Variants in AFM observed in about 807,000 individuals in gnomAD.
AFM encodes the protein alpha-Alb.
In AFM, 82 loss-of-function variants were observed where a neutral mutation model predicts 68.7. The observed-to-expected ratio is 1.19, with a 90% CI of 1.00 to 1.43. The LOEUF (loss-of-function observed/expected upper bound fraction) is 1.43, where lower values mean the gene tolerates loss of function less well. Ranked by LOEUF, AFM falls within the 40% of genes most tolerant of loss-of-function variation. The pLI is 0.00. For missense variants in AFM, 772 were observed against 701.8 expected, an observed-to-expected ratio of 1.10 and a Z score of -1.13; for synonymous variants, 250 against 234.2, an observed-to-expected ratio of 1.07 and a Z score of -0.61.
intron 7 of AFM, among the ~76,000 whole-genome samples, chr4:73,489,736 C>T (rs528125381): frequency 9.2e-5 from 14 of 152,286 alleles, no homozygotes; most frequent in Admixed American, 9.2e-4. Context: ...ATTGTTCATG[C>T]ATTCTGTTCT....
At chr4:73,500,955 C>T (rs959246478) in intron 12 of AFM, among the ~76,000 whole-genome samples, 20 of 152,070 alleles carry the variant, frequency 1.3e-4, no homozygotes, top group South Asian at 4.2e-4. Context: ...AAAATGAAAG[C>T]GAGAAAATGC....
At chr4:73,492,205 A>AT (rs200237418) in intron 8 of AFM, 119 bp downstream of exon 8, 14,412 of 879,852 alleles carry the variant, frequency 0.016, 140 homozygotes, top group Middle Eastern at 0.025. Context: ...GTATCATATA[A>AT]TTTTTTTTTA....
intron 3 of AFM, 121 bp from the exon 4 acceptor site, chr4:73,485,741 G>A: frequency 1.4e-6 from 1 of 730,242 alleles, no homozygotes; most frequent in Non-Finnish European, 2.3e-6. Context: ...GAGAGGAGTA[G>A]GAGAAAGAGA....
intron 3 of AFM, among the ~76,000 whole-genome samples, chr4:73,485,098 C>T (rs537700171): frequency 1.3e-5 from 2 of 152,220 alleles, no homozygotes; most frequent in South Asian, 4.1e-4. Flanking sequence ...TGAAACTGCA[C>T]ATGAAATTAC....
Position 73,497,754 on chromosome 4 carries a change from G to A in AFM, c.1289+5G>A, listed in dbSNP as rs1166723751. 8.9e-6 allele frequency: 14 copies of A among 1,568,212 alleles called. No individual in the cohort carries two copies. The highest frequency in any genetic ancestry group is 1.2e-5 in the Non-Finnish European group (14 of 1,144,560). On this transcript the variant is annotated splice_donor_5th_base_variant and intron_variant, in intron 10 of 14. Transcript: ENST00000226355. ...GAAGGATGGTTTGAAATACCAGTAT[G>A]TTGTTTGCACAAGTGGGCTAACACT...
intron 10 of AFM, 51 bp downstream of exon 10, chr4:73,497,800 T>C (rs1318598532): frequency 1.7e-6 from 2 of 1,177,804 alleles, no homozygotes; most frequent in African/African-American, 1.6e-5. Flanking sequence ...ATTGAATACA[T>C]AATCCCTCGA....
At position 73,485,765 on chromosome 4, in the gene AFM, G is replaced by T. The variant is rs992338036; in HGVS notation, c.271-97G>T. 6 of 920,178 alleles carry T rather than the reference G, an allele frequency of 6.5e-6. No individual in the cohort carries two copies. In the South Asian group the frequency reaches 9.5e-5, roughly 15 times the overall value. 57.0% of individuals were successfully genotyped at this position (920,178 alleles called of 1,614,324 possible). A position where few individuals can be genotyped will look rare whatever the true frequency, so the allele number is the denominator to read the frequency against. ...AGGAGAAAGAGAAGGAGCTCTGTTG[G>T]TAATGGTGGGAAAATTAGTCATTGT... is the stretch of plus-strand genomic sequence containing the variant. On this transcript the variant is annotated intron_variant, in intron 3 of 14. Transcript: ENST00000226355.
chr4:73,499,287 T>C (rs1281720974), intron 11 of AFM, 41 bp downstream of exon 11: 1 of 1,457,056 alleles, frequency 6.9e-7, no homozygotes, highest in Admixed American at 2.4e-5. Flanking sequence ...TTTTTTTTTT[T>C]TTTAAAAAAA....
Position 73,483,982 on chromosome 4 carries a change from G to T in AFM, c.130G>T (p.Glu44Ter). 6.5e-7 allele frequency: 1 copy of T among 1,526,810 alleles called. No individual in the cohort carries two copies. Among genetic ancestry groups the T allele is most frequent in the South Asian group, 1.2e-5 (1 of 83,702 alleles). 94.6% of individuals were successfully genotyped at this position (1,526,810 alleles called of 1,614,324 possible). ...TCAAAAATTTATAGAAGATAATATT[G>T]AATACATGTGAGTTGTGCTAAATAC... ...STQKFIEDNI[E>*]YITIIAFAQY... Residue 44 changes from glutamate to a stop codon, truncating the protein, a stop_gained, in exon 2 of 15, where the codon GAA becomes TAA. Coordinates refer to ENST00000226355, the MANE Select transcript of AFM (RefSeq NM_001133.2). LOFTEE classifies it high-confidence loss of function.
chr4:73,482,038 T>C (rs1720728968), intron 1 of AFM, among the ~76,000 whole-genome samples, 175 bp downstream of exon 1: 2 of 152,212 alleles, frequency 1.3e-5, no homozygotes, highest in African/African-American at 4.8e-5. Flanking sequence ...ATTTTGATGG[T>C]AATTTTTATA....
chr4:73,485,590 A>AGAAGAG (rs144414208), intron 3 of AFM, among the ~76,000 whole-genome samples: 85,990 of 137,312 alleles, frequency 0.63, 28,474 homozygotes, highest in Non-Finnish European at 0.73. Flanking sequence ...AAGGAGAAGG[A>AGAAGAG]GAAGAGGAAG....
rs746745617 is a variant in AFM at position 73,484,264 on chromosome 4, C to A, written c.144C>A (p.Ile48=). 2 of 1,608,742 alleles carry A rather than the reference C, an allele frequency of 1.2e-6. No individual in the cohort carries two copies. The highest frequency in any genetic ancestry group is 1.1e-5 in the South Asian group (1 of 89,808). ...FIEDNIEYIT[I]IAFAQYVQEA... is the part of the protein sequence containing the mutation. ...CCCATGTGAACTGTTGCAGCACCAT[C>A]ATTGCATTTGCTCAGTATGTTCAGG... The change falls in exon 3 of 15, where the codon ATC becomes ATA. Residue 48 remains isoleucine, a synonymous_variant. Coordinates refer to ENST00000226355, the MANE Select transcript of AFM (RefSeq NM_001133.2).
At chr4:73,494,641 G>C (rs1721201888) in intron 8 of AFM, among the ~76,000 whole-genome samples, 1 of 152,168 alleles carries the variant, frequency 6.6e-6, no homozygotes, top group African/African-American at 2.4e-5. Flanking sequence ...TAAAGTCCAG[G>C]AAGCACATCT....
chr4:73,503,141 A>G, intron 14 of AFM, 31 bp downstream of exon 14: 5 of 1,519,292 alleles, frequency 3.3e-6, no homozygotes, highest in Non-Finnish European at 3.6e-6. Flanking sequence ...CAAATGTCAA[A>G]TGTATTTGTG....
chr4:73,486,910 A>G, intron 4 of AFM, 57 bp from the exon 5 acceptor site: 1 of 1,535,324 alleles, frequency 6.5e-7, no homozygotes, highest in South Asian at 1.2e-5. Context: ...GTCTACATTC[A>G]TTGCTTCCTG....
intron 7 of AFM, among the ~76,000 whole-genome samples, chr4:73,490,580 C>T (rs566431191): frequency 6.6e-6 from 1 of 152,064 alleles, no homozygotes; most frequent in East Asian, 1.9e-4. Flanking sequence ...CCACCACACC[C>T]CGCTAATGTT....
intron 8 of AFM, among the ~76,000 whole-genome samples, chr4:73,492,889 GT>G (rs568893451): frequency 7.2e-6 from 1 of 139,762 alleles, no homozygotes. Flanking sequence ...GTTGTTGTTT[GT>G]TTTTTTTATC....
intron 9 of AFM, 48 bp from the exon 10 acceptor site, chr4:73,497,604 T>C (rs1721292657): frequency 2.3e-6 from 3 of 1,308,594 alleles, no homozygotes; most frequent in East Asian, 4.8e-5. Context: ...AAGCTTATGG[T>C]TAAATTTTAG....
intron 8 of AFM, among the ~76,000 whole-genome samples, chr4:73,492,515 G>A (rs1721100857): frequency 6.6e-6 from 1 of 152,106 alleles, no homozygotes; most frequent in South Asian, 2.1e-4. Context: ...AGGCTTAACT[G>A]CTATGCTATG....
Sources: allele counts gnomAD v4.1 joint callset (sites outside exome capture counted in the v4.1 genomes callset), GRCh38; gene constraint gnomAD v4.1.1; transcripts MANE v1.5; gene names NCBI Gene and HGNC (gene_info 2026-07-23, HGNC 2026-07-21).